ACAT2: variants seen among roughly 807,000 people sequenced by gnomAD.
ACAT2 encodes the protein acetyl-CoA acetyltransferase, cytosolic.
Under a neutral mutation model 37.1 loss-of-function variants are expected in ACAT2, and 26 were observed. That is an observed-to-expected ratio of 0.70 (90% CI 0.51 to 0.97). The LOEUF (loss-of-function observed/expected upper bound fraction) is 0.97, where lower values mean the gene tolerates loss of function less well. Among genes scored for constraint, ACAT2 ranks in the 50% least tolerant of loss-of-function variants. The probability of loss-of-function intolerance (pLI) is 0.00; values close to 1 mark genes in which losing one functional copy is unlikely to be tolerated. For synonymous variants in ACAT2, 156 were observed against 163.6 expected (o/e 0.95, Z 0.35); for missense variants, 468 against 489.0 (o/e 0.96, Z 0.40).
At chr6:159,764,545 C>T (rs1253904210) in intron 2 of ACAT2, among the ~76,000 whole-genome samples, 2 of 152,178 alleles carry the variant, frequency 1.3e-5, no homozygotes, top group African/African-American at 4.8e-5. Context: ...CTGGGCTCCA[C>T]GGTATCCTCC....
rs1780147519 is a variant in ACAT2 at position 159,762,056 on chromosome 6, A to G, written c.-32A>G. 6.2e-6 allele frequency: 10 copies of G among 1,610,982 alleles called. No homozygotes were observed. The highest frequency in any genetic ancestry group is 8.5e-6 in the Non-Finnish European group (10 of 1,178,528). On this transcript the variant is annotated 5_prime_UTR_variant, in exon 1 of 9. Coordinates refer to ENST00000367048, the MANE Select transcript of ACAT2 (RefSeq NM_005891.3). ...GAGGAGCTTTGCCTAGCTTGCAGGCAGCGCAGGGCAGACGGCGGCAGGAGA... is the reference window on the plus strand; with the variant it reads ...GAGGAGCTTTGCCTAGCTTGCAGGCGGCGCAGGGCAGACGGCGGCAGGAGA...
rs1449418881 is a variant in ACAT2 at position 159,762,994 on chromosome 6, G to T, written c.131G>T (p.Arg44Met). 6.2e-7 allele frequency: 1 copy of T among 1,614,134 alleles called. No individual in the cohort carries two copies. The highest frequency in any genetic ancestry group is 1.1e-5 in the South Asian group (1 of 91,080). ...GSTVIKEVLK[R>M]ATVAPEDVSE... ...ACTGTCATCAAAGAAGTCTTGAAGA[G>T]GGCCACTGTGGCTCCGGAAGATGTG... The change falls in exon 2 of 9, where the codon AGG becomes ATG. Residue 44 changes from arginine (R) to methionine (M), a missense_variant. Coordinates refer to ENST00000367048, the MANE Select transcript of ACAT2 (RefSeq NM_005891.3).
intron 4 of ACAT2, among the ~76,000 whole-genome samples, chr6:159,772,179 A>G (rs1780348462): frequency 6.6e-6 from 1 of 152,068 alleles, no homozygotes; most frequent in Non-Finnish European, 1.5e-5. Context: ...AAGCTGAGAT[A>G]TTGCACCATT....
chr6:159,765,871 G>A (rs1042692532), intron 2 of ACAT2, among the ~76,000 whole-genome samples: 17 of 152,180 alleles, frequency 1.1e-4, no homozygotes, highest in Admixed American at 2.6e-4. Context: ...TAATCTCTAA[G>A]TTTTTATCAG....
intron 1 of ACAT2, 96 bp downstream of exon 1, chr6:159,762,238 G>C (rs1780154350): frequency 7.0e-7 from 1 of 1,431,998 alleles, no homozygotes; most frequent in Admixed American, 2.5e-5. Flanking sequence ...GGCGTATGTG[G>C]AGGAAGCCGG....
chr6:159,763,351 G>C (rs1780190493), intron 2 of ACAT2, among the ~76,000 whole-genome samples: 1 of 152,040 alleles, frequency 6.6e-6, no homozygotes, highest in Non-Finnish European at 1.5e-5. Flanking sequence ...CCAGAAGTTT[G>C]AGACTAGCCT....
rs1365893482 is a variant in ACAT2, at chr6:159,779,105, A to C, written c.*276A>C. On this transcript the variant is annotated 3_prime_UTR_variant, in exon 9 of 9. Transcript: ENST00000367048. ...CATAACTTCCATGTTTATCATCTTT[A>C]CTTTCTGGATGTAATTTAATAAGAT... The C allele has an allele frequency of 1.2e-6, 2 of 1,614,050 alleles. No homozygotes were observed. Among genetic ancestry groups the C allele is most frequent in the Non-Finnish European group, 1.7e-6 (2 of 1,179,960 alleles).
intron 4 of ACAT2, among the ~76,000 whole-genome samples, chr6:159,773,689 A>G (rs986386204): frequency 6.6e-6 from 1 of 152,256 alleles, no homozygotes; most frequent in African/African-American, 2.4e-5. Context: ...CAAATAAGTA[A>G]TGATAGTAAT....
chr6:159,769,534 G>C (rs1562477395), intron 4 of ACAT2, among the ~76,000 whole-genome samples: 1 of 152,130 alleles, frequency 6.6e-6, no homozygotes. Context: ...AAAGGCTCAG[G>C]TCATGATGGA....
At position 159,776,212 on chromosome 6, in the gene ACAT2, A is replaced by G; in HGVS notation, c.697A>G (p.Lys233Glu). The G allele has an allele frequency of 6.2e-7, 1 of 1,614,180 alleles. No individual in the cohort carries two copies. The highest frequency in any genetic ancestry group is 8.5e-7 in the Non-Finnish European group (1 of 1,180,018). Reference sequence around the variant, plus strand: ...TGGGAGCAACATAGAAGCCATGTCCAAGCTAAAGCCTTACTTTCTTACTGA... The same window carrying G: ...TGGGAGCAACATAGAAGCCATGTCCGAGCTAAAGCCTTACTTTCTTACTGA... ...RHGSNIEAMS[K>E]LKPYFLTDGT... Residue 233 changes from lysine (K) to glutamate (E), a missense_variant, in exon 6 of 9, where the codon AAG becomes GAG. Lys to Glu is a moderately conservative substitution (Grantham distance 56, BLOSUM62 1). Coordinates refer to ENST00000367048, the MANE Select transcript of ACAT2 (RefSeq NM_005891.3).
At chr6:159,773,306 A>C (rs1583130231) in intron 4 of ACAT2, among the ~76,000 whole-genome samples, 1 of 152,186 alleles carries the variant, frequency 6.6e-6, no homozygotes, top group East Asian at 1.9e-4. Flanking sequence ...TAAATAATAC[A>C]TATGGAAGTT....
chr6:159,778,328 T>G (rs898752322), intron 8 of ACAT2, 48 bp downstream of exon 8: 2 of 1,358,784 alleles, frequency 1.5e-6, no homozygotes, highest in African/African-American at 3.0e-5. Context: ...AATTTCACAA[T>G]CCAATTTTAA....
At chr6:159,776,742 T>G (rs1484444976) in intron 6 of ACAT2, among the ~76,000 whole-genome samples, 3 of 152,208 alleles carry the variant, frequency 2.0e-5, no homozygotes, top group South Asian at 2.1e-4. Context: ...AGCCCAGGCT[T>G]ATTCTTCCAT....
At chr6:159,774,239 C>T (rs943862383) in intron 4 of ACAT2, among the ~76,000 whole-genome samples, 4 of 152,162 alleles carry the variant, frequency 2.6e-5, no homozygotes, top group Non-Finnish European at 4.4e-5. Flanking sequence ...CAAAAGAACT[C>T]GCCCATGTTC....
intron 4 of ACAT2, among the ~76,000 whole-genome samples, chr6:159,773,211 G>GTGGTGTTAGGTTGCATT (rs1282420951): frequency 6.6e-6 from 1 of 152,172 alleles, no homozygotes; most frequent in African/African-American, 2.4e-5. Flanking sequence ...AATGTAGCTT[G>GTGGTGTTAGGTTGCATT]TGGTGTTAGG....
intron 2 of ACAT2, among the ~76,000 whole-genome samples, chr6:159,763,319 G>A (rs925876938): frequency 3.9e-5 from 6 of 152,118 alleles, no homozygotes; most frequent in African/African-American, 1.4e-4. Flanking sequence ...TTGGGAGGCG[G>A]AGGAGGAAGG....
chr6:159,767,221 C>G (rs376544418), intron 3 of ACAT2, 35 bp downstream of exon 3: 203 of 1,606,622 alleles, frequency 1.3e-4, no homozygotes, highest in Non-Finnish European at 1.6e-4. Flanking sequence ...TTTCACTGAC[C>G]TCACACTGAG....
intron 6 of ACAT2, 24 bp downstream of exon 6, chr6:159,776,296 G>A (rs988843075): frequency 6.2e-7 from 1 of 1,611,864 alleles, no homozygotes; most frequent in East Asian, 2.2e-5. Flanking sequence ...AAGGACATCT[G>A]GGGGAATACT....
rs1447699443 is a variant in ACAT2, at chr6:159,775,193, CAAGT to C, written c.515_518del (p.Gln172ArgfsTer56). On this transcript the variant is annotated frameshift_variant, in exon 5 of 9. Transcript: ENST00000367048. LOFTEE classifies it high-confidence loss of function. ...AGCTGAAAATGTAGCCAAAAAATGG[CAAGT>C]GAGTAGAGAAGATCAGGACAAGGTT... The C allele has an allele frequency of 1.2e-6, 2 of 1,613,474 alleles. No individual in the cohort carries two copies. Among genetic ancestry groups the C allele is most frequent in the Non-Finnish European group, 1.7e-6 (2 of 1,179,736 alleles).
Sources: gnomAD v4.1 joint callset for allele counts (sites outside exome capture counted in the v4.1 genomes callset) on GRCh38, gnomAD v4.1.1 for gene constraint, MANE v1.5 for transcripts, NCBI Gene and HGNC (gene_info 2026-07-23, HGNC 2026-07-21) for gene names.